Variants in ENTHD1 observed in about 807,000 individuals in gnomAD.
ENTHD1 encodes the protein ENTH domain-containing protein 1.
In ENTHD1, 23 loss-of-function variants were observed where a neutral mutation model predicts 39.1. The observed-to-expected ratio is 0.59, with a 90% CI of 0.42 to 0.83. The LOEUF (loss-of-function observed/expected upper bound fraction) is 0.83, where lower values mean the gene tolerates loss of function less well. Ranked by LOEUF, ENTHD1 falls within the 40% of genes least tolerant of loss-of-function variation. The pLI, the probability that ENTHD1 is intolerant of heterozygous loss-of-function variation, is 0.00. For synonymous variants in ENTHD1, 230 were observed against 258.2 expected, an observed-to-expected ratio of 0.89 and a Z score of 1.05; for missense variants, 624 against 705.4, an observed-to-expected ratio of 0.88 and a Z score of 1.31.
chr22:39,825,604 C>T (rs559967944), intron 4 of ENTHD1, among the ~76,000 whole-genome samples: 18 of 152,090 alleles, frequency 1.2e-4, no homozygotes, highest in African/African-American at 4.1e-4. Context: ...AATCAAGACT[C>T]TCATTTTTAA....
At chr22:39,880,519 C>G (rs962033681) in intron 2 of ENTHD1, among the ~76,000 whole-genome samples, 5 of 152,082 alleles carry the variant, frequency 3.3e-5, no homozygotes, top group African/African-American at 1.2e-4. Flanking sequence ...TCGATTGTAA[C>G]AAATGTACCA....
intron 6 of ENTHD1, among the ~76,000 whole-genome samples, chr22:39,751,652 T>C (rs1239727309): frequency 6.6e-6 from 1 of 152,222 alleles, no homozygotes; most frequent in Non-Finnish European, 1.5e-5. Flanking sequence ...TCTGGTTTAC[T>C]TGGCTTCCAG....
intron 2 of ENTHD1, among the ~76,000 whole-genome samples, chr22:39,885,286 C>T (rs185660759): frequency 4.6e-5 from 7 of 152,134 alleles, no homozygotes; most frequent in Admixed American, 4.6e-4. Context: ...AAATCAAAAC[C>T]ACAATGAGAT....
intron 2 of ENTHD1, among the ~76,000 whole-genome samples, chr22:39,884,879 C>G (rs1029805806): frequency 2.0e-5 from 3 of 152,150 alleles, no homozygotes; most frequent in African/African-American, 7.2e-5. Flanking sequence ...AATCTACAAG[C>G]TAAAACTATA....
intron 2 of ENTHD1, among the ~76,000 whole-genome samples, chr22:39,883,001 C>G (rs1285699288): frequency 1.2e-5 from 1 of 84,556 alleles, no homozygotes; most frequent in African/African-American, 5.5e-5. Context: ...AAGACTTCAT[C>G]TCAAAAAAAA....
At chr22:39,751,132 G>A (rs541894876) in intron 6 of ENTHD1, 2 of 153,646 alleles carry the variant, frequency 1.3e-5, no homozygotes, top group South Asian at 4.1e-4. Context: ...ATTTCAAAAA[G>A]ATGATTCATT....
chr22:39,816,563 GTCATT>G (rs1177389320), intron 5 of ENTHD1, among the ~76,000 whole-genome samples: 1 of 152,182 alleles, frequency 6.6e-6, no homozygotes, highest in Non-Finnish European at 1.5e-5. Context: ...AGGTTAAAGA[GTCATT>G]TCAAAGCAGT....
intron 3 of ENTHD1, among the ~76,000 whole-genome samples, chr22:39,843,339 T>G (rs1474355790): frequency 2.0e-5 from 3 of 151,544 alleles, no homozygotes; most frequent in Non-Finnish European, 4.4e-5. Flanking sequence ...AAATAATCAT[T>G]CTCAGTAAAC....
In ENTHD1 at chr22:39,843,362, A is replaced by C. The variant is rs554260512; in HGVS notation, c.593-7404T>G. 3.2e-3 allele frequency among the ~76,000 whole-genome samples: 484 copies of C among 151,874 alleles called. 4 individuals are homozygous for C. The highest frequency in any genetic ancestry group is 0.011 in the African/African-American group (462 of 41,378). ...ATTCTCAGTAAACTATCGCAAGAAC[A>C]AAAAACCAAACACCACATATTCTCA... On this transcript the variant is annotated intron_variant, in intron 3 of 6. Coordinates refer to ENST00000325157, the MANE Select transcript of ENTHD1 (RefSeq NM_152512.4).
At chr22:39,815,246 C>T (rs572853648) in intron 5 of ENTHD1, among the ~76,000 whole-genome samples, 3 of 152,162 alleles carry the variant, frequency 2.0e-5, no homozygotes, top group African/African-American at 4.8e-5. Flanking sequence ...AGTTTGAGAC[C>T]AGCCTGGCCA....
At chr22:39,814,720 T>C in intron 5 of ENTHD1, among the ~76,000 whole-genome samples, 1 of 152,194 alleles carries the variant, frequency 6.6e-6, no homozygotes, top group Non-Finnish European at 1.5e-5. Context: ...AGAAGTAAAA[T>C]TGGACTTCTA....
At chr22:39,839,208 G>A (rs1407581571) in intron 3 of ENTHD1, among the ~76,000 whole-genome samples, 6 of 152,130 alleles carry the variant, frequency 3.9e-5, no homozygotes, top group Non-Finnish European at 8.8e-5. Context: ...ATACTGAAAA[G>A]CGGTAATATA....
intron 1 of ENTHD1, among the ~76,000 whole-genome samples, chr22:39,891,670 G>A (rs900006515): frequency 6.6e-6 from 1 of 151,196 alleles, no homozygotes; most frequent in East Asian, 1.9e-4. Flanking sequence ...CCAGGCTGGA[G>A]TGAAGTGGCA....
chr22:39,835,779 G>C (rs111734676), intron 4 of ENTHD1, 61 bp downstream of exon 4: 1 of 1,257,098 alleles, frequency 8.0e-7, no homozygotes, highest in Admixed American at 1.9e-5. Flanking sequence ...AAATTTGTTT[G>C]TTTTAAGGCA....
At chr22:39,744,874 C>T (rs2065091193) in intron 6 of ENTHD1, among the ~76,000 whole-genome samples, 1 of 152,114 alleles carries the variant, frequency 6.6e-6, no homozygotes, top group Admixed American at 6.5e-5. Context: ...CACCAAGAAA[C>T]TAAGTGAAGT....
At chr22:39,824,791 A>G (rs955890920) in intron 4 of ENTHD1, among the ~76,000 whole-genome samples, 3 of 152,168 alleles carry the variant, frequency 2.0e-5, no homozygotes, top group African/African-American at 4.8e-5. Context: ...CTCTCCACCA[A>G]TACCGCACTC....
intron 3 of ENTHD1, among the ~76,000 whole-genome samples, chr22:39,841,384 G>C (rs547094381): frequency 1.0e-3 from 157 of 152,094 alleles, no homozygotes; most frequent in Non-Finnish European, 1.6e-3. Context: ...TCTCTTTGTA[G>C]GTCACTCAGG....
At chr22:39,783,801 G>T (rs2065432008) in intron 5 of ENTHD1, among the ~76,000 whole-genome samples, 1 of 152,158 alleles carries the variant, frequency 6.6e-6, no homozygotes, top group Admixed American at 6.6e-5. Context: ...AACTACTGAA[G>T]AAAACATTGG....
Position 39,877,550 on chromosome 22 carries a change from G to A in ENTHD1, c.349+9850C>T, listed in dbSNP as rs952241931. On this transcript the variant is annotated intron_variant, in intron 2 of 6. Transcript: ENST00000325157. ...CTCCAAGGAAACAAGTGCTGAGGTCGGGAAGCCTGAACTATAACTGAGAGA... is the reference window on the plus strand; with the variant it reads ...CTCCAAGGAAACAAGTGCTGAGGTCAGGAAGCCTGAACTATAACTGAGAGA... Among the ~76,000 whole-genome samples the A allele has an allele frequency of 4.6e-5, 7 of 152,274 alleles. No individual in the cohort carries two copies. The East Asian group carries it at 1.2e-3, about 25-fold the overall frequency.
Sources: allele counts gnomAD v4.1 joint callset (sites outside exome capture counted in the v4.1 genomes callset), GRCh38; gene constraint gnomAD v4.1.1; transcripts MANE v1.5; gene names NCBI Gene and HGNC (gene_info 2026-07-23, HGNC 2026-07-21).